The following GRM8 variants were observed in gnomAD, a reference collection of about 807,000 sequenced individuals.
GRM8 encodes metabotropic glutamate receptor 8.
Under a neutral mutation model 87.2 loss-of-function variants are expected in GRM8, and 47 were observed. That is an observed-to-expected ratio of 0.54 (90% CI 0.43 to 0.69). The LOEUF is 0.69. Ranked by LOEUF, GRM8 falls within the 30% of genes least tolerant of loss-of-function variation. The probability of loss-of-function intolerance (pLI) is 0.00; values close to 1 mark genes in which losing one functional copy is unlikely to be tolerated. For missense variants in GRM8, 1,019 were observed against 1,139.2 expected, an observed-to-expected ratio of 0.89 and a Z score of 1.52; for synonymous variants, 396 against 404.5, an observed-to-expected ratio of 0.98 and a Z score of 0.25.
chr7:126,946,857 G>A (rs1201799796), intron 3 of GRM8, among the ~76,000 whole-genome samples: 1 of 152,184 alleles, frequency 6.6e-6, no homozygotes, highest in Non-Finnish European at 1.5e-5. Flanking sequence ...GTGGAAAACA[G>A]GTCCATCCAT....
intron 6 of GRM8, among the ~76,000 whole-genome samples, chr7:126,867,003 T>A (rs1280851879): frequency 6.6e-6 from 1 of 152,288 alleles, no homozygotes; most frequent in East Asian, 1.9e-4. Flanking sequence ...ATTTGGGGCG[T>A]ATTATGCATA....
rs1176883126 is a variant in GRM8, at chr7:126,675,282, A to G, written c.1358-65784T>C. ...TCCCTACAAAACAAAAACCAAAATC[A>G]GATGGATTCACAGCCAAATTCTACC... On this transcript the variant is annotated intron_variant, in intron 7 of 10. Transcript: ENST00000339582. Among the ~76,000 whole-genome samples, 6 of 152,182 alleles carry G rather than the reference A, an allele frequency of 3.9e-5. No homozygotes were observed. In the East Asian group the frequency reaches 1.2e-3, roughly 29 times the overall value.
chr7:126,937,749 T>A (rs1806487640), intron 3 of GRM8, among the ~76,000 whole-genome samples: 1 of 152,214 alleles, frequency 6.6e-6, no homozygotes. Flanking sequence ...CAAGTAGGGA[T>A]TTCATGGCAG....
intron 7 of GRM8, among the ~76,000 whole-genome samples, chr7:126,769,177 T>A (rs1281111102): frequency 2.6e-5 from 4 of 152,096 alleles, no homozygotes. Flanking sequence ...CCATTGCAAC[T>A]CTCATGAAAG....
At chr7:127,163,947 G>A (rs536766213) in intron 2 of GRM8, among the ~76,000 whole-genome samples, 1 of 152,244 alleles carries the variant, frequency 6.6e-6, no homozygotes, top group Non-Finnish European at 1.5e-5. Flanking sequence ...GAATGATATA[G>A]TTTGGATAAT....
intron 8 of GRM8, among the ~76,000 whole-genome samples, chr7:126,561,248 G>T (rs916625567): frequency 6.6e-6 from 1 of 152,242 alleles, no homozygotes; most frequent in Non-Finnish European, 1.5e-5. Context: ...CAAGGTGGGC[G>T]GATCACGAGG....
At chr7:126,874,193 C>T (rs932026111) in intron 6 of GRM8, among the ~76,000 whole-genome samples, 9 of 152,090 alleles carry the variant, frequency 5.9e-5, no homozygotes, top group Non-Finnish European at 1.0e-4. Context: ...AACATTCCTG[C>T]AGCCTCTAAA....
chr7:127,175,076 A>G (rs1202352551), intron 2 of GRM8, among the ~76,000 whole-genome samples: 2 of 152,066 alleles, frequency 1.3e-5, no homozygotes, highest in African/African-American at 4.8e-5. Flanking sequence ...GTTTTCCTTG[A>G]CTCCATCACT....
At chr7:126,523,766 G>A (rs765461515) in intron 9 of GRM8, among the ~76,000 whole-genome samples, 2 of 151,940 alleles carry the variant, frequency 1.3e-5, no homozygotes, top group African/African-American at 2.4e-5. Context: ...CGAAGTGCTG[G>A]CATTACAGGC....
At chr7:126,879,560 G>T (rs1440761955) in intron 6 of GRM8, among the ~76,000 whole-genome samples, 1 of 151,920 alleles carries the variant, frequency 6.6e-6, no homozygotes, top group African/African-American at 2.4e-5. Flanking sequence ...CTTATTTCCA[G>T]AATTTTCTTA....
chr7:126,933,271 G>C (rs1264469625), intron 3 of GRM8, among the ~76,000 whole-genome samples: 2 of 152,190 alleles, frequency 1.3e-5, no homozygotes, highest in African/African-American at 4.8e-5. Context: ...AGCAAGGGGA[G>C]GGCTCCTTTA....
chr7:127,051,739 CAAAAAAAA>C (rs59713382), intron 3 of GRM8, among the ~76,000 whole-genome samples: 16 of 58,478 alleles, frequency 2.7e-4, no homozygotes, highest in African/African-American at 4.2e-4. Context: ...TAATGTTGAG[CAAAAAAAA>C]AAAAAAAAAA....
At chr7:127,226,881 G>A (rs1291938033) in intron 2 of GRM8, among the ~76,000 whole-genome samples, 3 of 152,196 alleles carry the variant, frequency 2.0e-5, no homozygotes, top group South Asian at 2.1e-4. Context: ...CCTCCTACGG[G>A]TGGGCTGATG....
chr7:126,567,422 G>C (rs922732710), intron 8 of GRM8, among the ~76,000 whole-genome samples: 4 of 150,256 alleles, frequency 2.7e-5, no homozygotes, highest in East Asian at 2.0e-4. Flanking sequence ...GTAGGGGGAG[G>C]GGGGAGGGAT....
At chr7:126,681,051 A>G (rs1177473613) in intron 7 of GRM8, among the ~76,000 whole-genome samples, 2 of 152,224 alleles carry the variant, frequency 1.3e-5, no homozygotes, top group Non-Finnish European at 2.9e-5. Flanking sequence ...ACTTATAAGT[A>G]CTTTAGAAAT....
At chr7:127,085,510 C>T (rs983730686) in intron 3 of GRM8, among the ~76,000 whole-genome samples, 1 of 152,118 alleles carries the variant, frequency 6.6e-6, no homozygotes, top group South Asian at 2.1e-4. Context: ...TTCTAACTGG[C>T]GTGAGATGGT....
intron 3 of GRM8, among the ~76,000 whole-genome samples, chr7:126,939,227 T>A (rs1318935610): frequency 1.3e-5 from 2 of 152,188 alleles, no homozygotes; most frequent in Non-Finnish European, 2.9e-5. Context: ...TCATTTACCA[T>A]GTGTATTGAT....
rs1808112290 is a variant in GRM8 at position 126,685,746 on chromosome 7, A to T, written c.1358-76248T>A. Reference sequence around the variant, plus strand: ...TGAGGACAGCGGGGTACTGGCCTGCAGGCGCCCCTTGGCATGAACGGTCTG... The same window carrying T: ...TGAGGACAGCGGGGTACTGGCCTGCTGGCGCCCCTTGGCATGAACGGTCTG... On this transcript the variant is annotated intron_variant, in intron 7 of 10. Transcript: ENST00000339582. The surrounding 1 kb of genome is among the most constrained non-coding windows in gnomAD (Gnocchi z 4.2). Among the ~76,000 whole-genome samples the T allele has an allele frequency of 6.6e-6, 1 of 152,086 alleles. No individual in the cohort carries two copies. Among genetic ancestry groups the T allele is most frequent in the Non-Finnish European group, 1.5e-5 (1 of 67,986 alleles).
At chr7:126,600,194 A>C (rs1343196308) in intron 8 of GRM8, among the ~76,000 whole-genome samples, 1 of 152,124 alleles carries the variant, frequency 6.6e-6, no homozygotes, top group East Asian at 1.9e-4. Context: ...TGTAGTTATG[A>C]GTATATGGTT....
Sources: allele counts gnomAD v4.1 joint callset (sites outside exome capture counted in the v4.1 genomes callset), GRCh38; gene constraint gnomAD v4.1.1; non-coding constraint Gnocchi (gnomAD v3.1); transcripts MANE v1.5; gene names NCBI Gene and HGNC (gene_info 2026-07-23, HGNC 2026-07-21).